The following PMS1 variants were observed in gnomAD, a reference collection of about 807,000 sequenced individuals.
The protein encoded by PMS1 is PMS1 homolog 1, mismatch repair system component, also known as PMS1 protein homolog 1.
In PMS1, 79 loss-of-function variants were observed where a neutral mutation model predicts 93.1. The ratio of observed to expected loss-of-function variants is 0.85; its 90% CI spans 0.71 to 1.02. The LOEUF (loss-of-function observed/expected upper bound fraction) is 1.02, where lower values mean the gene tolerates loss of function less well. PMS1 is among the 50% of genes least tolerant of loss of function. The probability of loss-of-function intolerance (pLI) is 0.00; values close to 1 mark genes in which losing one functional copy is unlikely to be tolerated. For missense variants in PMS1, 1,064 were observed against 1,085.3 expected, an observed-to-expected ratio of 0.98 and a Z score of 0.28; for synonymous variants, 335 against 363.4, an observed-to-expected ratio of 0.92 and a Z score of 0.89.
intron 12 of PMS1, 144 bp from the exon 13 acceptor site, chr2:189,877,128 A>C (rs192369946): frequency 3.9e-5 from 27 of 697,604 alleles, no homozygotes; most frequent in East Asian, 3.8e-4. Flanking sequence ...GAGAGCTGAC[A>C]ACATAGTTGA....
chr2:189,846,026 A>G (rs2054224867), intron 6 of PMS1, among the ~76,000 whole-genome samples: 1 of 150,788 alleles, frequency 6.6e-6, no homozygotes, highest in African/African-American at 2.4e-5. Flanking sequence ...ATCTGGCCCC[A>G]TGCTCATTTT....
intron 2 of PMS1, among the ~76,000 whole-genome samples, chr2:189,793,944 G>C (rs1412032323): frequency 1.3e-5 from 2 of 152,032 alleles, no homozygotes; most frequent in Non-Finnish European, 1.5e-5. Context: ...CTTATTACGG[G>C]ATTTCGAGAC....
chr2:189,813,576 A>G (rs1368264596), intron 4 of PMS1, among the ~76,000 whole-genome samples: 1 of 152,246 alleles, frequency 6.6e-6, no homozygotes, highest in African/African-American at 2.4e-5. Context: ...TTAATAATTC[A>G]TGTGTTGATT....
At chr2:189,796,312 C>T (rs1413146418) in intron 3 of PMS1, among the ~76,000 whole-genome samples, 1 of 152,118 alleles carries the variant, frequency 6.6e-6, no homozygotes, top group East Asian at 1.9e-4. Context: ...GACCCGAGAT[C>T]ATGCCACTGC....
At chr2:189,823,601 G>T (rs1245023058) in intron 5 of PMS1, among the ~76,000 whole-genome samples, 1 of 152,016 alleles carries the variant, frequency 6.6e-6, no homozygotes, top group African/African-American at 2.4e-5. Flanking sequence ...TAAGAGTATG[G>T]GTAATAAGGA....
At chr2:189,864,657 GAAAAAAAAAAAAAAAA>G (rs59807167) in intron 10 of PMS1, among the ~76,000 whole-genome samples, 1 of 3,664 alleles carries the variant, frequency 2.7e-4, no homozygotes, top group African/African-American at 6.8e-4. Flanking sequence ...GTCTGTCTCA[GAAAAAAAAAAAAAAAA>G]AAAAAAAAAA....
At chr2:189,859,551 A>T (rs2055724079) in intron 9 of PMS1, among the ~76,000 whole-genome samples, 1 of 152,268 alleles carries the variant, frequency 6.6e-6, no homozygotes, top group South Asian at 2.1e-4. Flanking sequence ...TGAGGATGGG[A>T]TCCAGGTATC....
At chr2:189,862,625 C>T (rs1303569654) in intron 9 of PMS1, among the ~76,000 whole-genome samples, 1 of 152,068 alleles carries the variant, frequency 6.6e-6, no homozygotes. Context: ...TTTGTTCTAC[C>T]AGGTATTTAA....
intron 2 of PMS1, among the ~76,000 whole-genome samples, chr2:189,795,501 A>G (rs1036353873): frequency 6.6e-6 from 1 of 152,202 alleles, no homozygotes; most frequent in African/African-American, 2.4e-5. Context: ...GTAAATACCC[A>G]TGATAATGAA....
At chr2:189,875,651 C>T (rs973748063) in intron 12 of PMS1, among the ~76,000 whole-genome samples, 10 of 151,796 alleles carry the variant, frequency 6.6e-5, no homozygotes, top group Admixed American at 6.6e-4. Flanking sequence ...GGAAGACTGA[C>T]AATAAAAAAT....
chr2:189,860,449 A>C (rs2055840595), intron 9 of PMS1, among the ~76,000 whole-genome samples: 1 of 152,056 alleles, frequency 6.6e-6, no homozygotes, highest in African/African-American at 2.4e-5. Flanking sequence ...CAGTTGTATA[A>C]ATATACCAAA....
At chr2:189,790,428 AC>A (rs2048753770) in intron 1 of PMS1, among the ~76,000 whole-genome samples, 1 of 152,166 alleles carries the variant, frequency 6.6e-6, no homozygotes, top group Non-Finnish European at 1.5e-5. Context: ...TCTTTTTAGA[AC>A]ATGCATGTCT....
chr2:189,811,107 T>C (rs1370544844), intron 4 of PMS1, among the ~76,000 whole-genome samples: 1 of 151,518 alleles, frequency 6.6e-6, no homozygotes, highest in African/African-American at 2.4e-5. Flanking sequence ...CAAAAAGTAC[T>C]ATGAAGAATT....
At chr2:189,797,120 A>G (rs2049428743) in intron 3 of PMS1, among the ~76,000 whole-genome samples, 2 of 152,192 alleles carry the variant, frequency 1.3e-5, no homozygotes, top group East Asian at 3.9e-4. Flanking sequence ...TTATTGAGAA[A>G]GCATATCATT....
intron 9 of PMS1, among the ~76,000 whole-genome samples, chr2:189,861,435 G>T (rs1575329501): frequency 1.3e-5 from 2 of 148,832 alleles, no homozygotes; most frequent in Middle Eastern, 3.2e-3. Context: ...GCCAAATTCT[G>T]GGTTCTTTTG....
At chr2:189,860,855 T>C in intron 9 of PMS1, among the ~76,000 whole-genome samples, 1 of 138,658 alleles carries the variant, frequency 7.2e-6, no homozygotes, top group African/African-American at 2.7e-5. Flanking sequence ...GGAGGATCTC[T>C]AGTTCTGTCA....
chr2:189,832,045 A>G (rs564669405), intron 5 of PMS1, among the ~76,000 whole-genome samples: 1 of 152,296 alleles, frequency 6.6e-6, no homozygotes, highest in South Asian at 2.1e-4. Flanking sequence ...AAAAAGGCCC[A>G]GAAGTAGAAT....
chr2:189,876,541 G>A (rs957278524), intron 12 of PMS1, among the ~76,000 whole-genome samples: 1 of 151,974 alleles, frequency 6.6e-6, no homozygotes, highest in Admixed American at 6.6e-5. Flanking sequence ...TGAACATTTA[G>A]TTCTTTCTCT....
chr2:189,863,169 T>G (rs2056199769), intron 9 of PMS1, among the ~76,000 whole-genome samples: 2 of 152,130 alleles, frequency 1.3e-5, no homozygotes, highest in Non-Finnish European at 2.9e-5. Flanking sequence ...TGTTCTTCAG[T>G]GCCTACTTTA....
Sources: allele counts gnomAD v4.1 joint callset (sites outside exome capture counted in the v4.1 genomes callset), GRCh38; gene constraint gnomAD v4.1.1; transcripts MANE v1.5; gene names NCBI Gene and HGNC (gene_info 2026-07-23, HGNC 2026-07-21).